TSPAN33: variants seen among roughly 807,000 people sequenced by gnomAD.
The protein encoded by TSPAN33 is tetraspanin 33.
A neutral mutation model predicts 34.8 loss-of-function variants in TSPAN33; 27 were observed. That is an observed-to-expected ratio of 0.78 (90% CI 0.57 to 1.07). The LOEUF (loss-of-function observed/expected upper bound fraction) is 1.07, where lower values mean the gene tolerates loss of function less well. Ranked by LOEUF, TSPAN33 falls within the 50% of genes least tolerant of loss-of-function variation. TSPAN33 has a pLI of 0.00. For missense variants in TSPAN33, 272 were observed against 324.9 expected (o/e 0.84, Z 1.25); for synonymous variants, 119 against 124.2 (o/e 0.96, Z 0.28).
rs1269901262 is a variant in TSPAN33 at position 129,165,148 on chromosome 7, C to G, written c.459+579C>G. ...ATCAAACACTAACTCCCCATTTCCT[C>G]TCTTGAATCTCTGTATCCATCAAAC... On this transcript the variant is annotated intron_variant, in intron 5 of 7. Transcript: ENST00000486685. The surrounding 1 kb of genome is among the most constrained non-coding windows in gnomAD (Gnocchi z 4.5). 6.6e-6 allele frequency among the ~76,000 whole-genome samples: 1 copy of G among 152,176 alleles called. No individual in the cohort carries two copies. The highest frequency in any genetic ancestry group is 1.5e-5 in the Non-Finnish European group (1 of 68,032).
chr7:129,162,624 C>A, intron 3 of TSPAN33, 103 bp downstream of exon 3: 3 of 1,548,634 alleles, frequency 1.9e-6, no homozygotes, highest in Non-Finnish European at 1.7e-6. Context: ...TACCCCCAAG[C>A]CTGTGCTGTC....
In TSPAN33 at chr7:129,160,283, C is replaced by T. The variant is rs1416977515; in HGVS notation, c.103-1396C>T. Among the ~76,000 whole-genome samples, 14 of 152,172 alleles carry T rather than the reference C, an allele frequency of 9.2e-5. 1 individual carries two copies. Among genetic ancestry groups the T allele is most frequent in the Admixed American group, 9.2e-4 (14 of 15,268 alleles). ...GCCCCATGGTGGCTCTTTCCAGCTG[C>T]TTTCCGTCTTGCAGGACAGTGGTGT... On this transcript the variant is annotated intron_variant, in intron 1 of 7. Coordinates refer to ENST00000486685, the MANE Select transcript of TSPAN33 (RefSeq NM_178562.5).
In TSPAN33 at chr7:129,167,229, C is replaced by T. The variant is rs1793155927; in HGVS notation, c.589-170C>T. On this transcript the variant is annotated intron_variant, in intron 6 of 7. Coordinates refer to ENST00000486685, the MANE Select transcript of TSPAN33 (RefSeq NM_178562.5). The surrounding 1 kb of genome is among the most constrained non-coding windows in gnomAD (Gnocchi z 4.6). ...CAGAGCAAAGAGACCTGGATCCTGACCTCTCAGAGGAAGGGAAGTCTGCAT... is the reference window on the plus strand; with the variant it reads ...CAGAGCAAAGAGACCTGGATCCTGATCTCTCAGAGGAAGGGAAGTCTGCAT... 6.6e-6 allele frequency among the ~76,000 whole-genome samples: 1 copy of T among 152,154 alleles called. No homozygotes were observed. Among genetic ancestry groups the T allele is most frequent in the African/African-American group, 2.4e-5 (1 of 41,434 alleles).
chr7:129,166,069 C>CTGGGAT (rs1346839975), intron 5 of TSPAN33, among the ~76,000 whole-genome samples: 1 of 152,080 alleles, frequency 6.6e-6, no homozygotes, highest in Non-Finnish European at 1.5e-5. Context: ...TCCTGAGTAG[C>CTGGGAT]TGGGATTACA....
chr7:129,150,547 C>CT (rs1459248731), intron 1 of TSPAN33, among the ~76,000 whole-genome samples: 1 of 152,176 alleles, frequency 6.6e-6, no homozygotes, highest in Non-Finnish European at 1.5e-5. Context: ...TGGGGACATC[C>CT]AGACCTAGGT....
chr7:129,163,103 T>C (rs1356970675), intron 4 of TSPAN33, among the ~76,000 whole-genome samples, 196 bp downstream of exon 4: 1 of 152,230 alleles, frequency 6.6e-6, no homozygotes, highest in East Asian at 1.9e-4. Flanking sequence ...CATAAGGTGC[T>C]TTCCTCTGAC....
rs186666491 is a variant in TSPAN33 at position 129,162,540 on chromosome 7, A to G, written c.288+19A>G. 1 of 1,610,032 alleles carries G rather than the reference A, an allele frequency of 6.2e-7. No homozygotes were observed. Among genetic ancestry groups the G allele is most frequent in the East Asian group, 2.2e-5 (1 of 44,860 alleles). On this transcript the variant is annotated intron_variant, in intron 3 of 7. Transcript: ENST00000486685. The stretch of plus-strand genomic sequence containing the variant: ...GCAGACGGTGAGTGGTCAAGGCCCC[A>G]CTGGAAAGACCCTGGCCCTCTCCCC...
At chr7:129,160,748 T>A (rs1793036117) in intron 1 of TSPAN33, among the ~76,000 whole-genome samples, 1 of 152,334 alleles carries the variant, frequency 6.6e-6, no homozygotes, top group Middle Eastern at 3.4e-3. Context: ...GATATTGACC[T>A]CTAAGAGGGT....
At chr7:129,152,307 C>CA (rs1298123043) in intron 1 of TSPAN33, among the ~76,000 whole-genome samples, 1 of 152,136 alleles carries the variant, frequency 6.6e-6, no homozygotes, top group East Asian at 1.9e-4. Flanking sequence ...CCACAGCAGC[C>CA]AAAAGGTGGG....
At chr7:129,164,642 A>G (rs913828987) in intron 5 of TSPAN33, 73 bp downstream of exon 5, 1 of 1,371,572 alleles carries the variant, frequency 7.3e-7, no homozygotes, top group East Asian at 2.3e-5. Flanking sequence ...CTCACCCTCT[A>G]TGCCTGTGGG....
chr7:129,162,292 C>T, intron 2 of TSPAN33, 102 bp from the exon 3 acceptor site: 1 of 1,535,226 alleles, frequency 6.5e-7, no homozygotes, highest in Non-Finnish European at 8.8e-7. Flanking sequence ...AATGGAGATT[C>T]CCCCACCAGG....
At position 129,168,789 on chromosome 7, in the gene TSPAN33, A is replaced by G. The variant is rs966808924; in HGVS notation, c.*915A>G. ...GGTAAGAGGTAGGAATCTTGCTGGG[A>G]CGAGGGGAGCCAGAAGTGGCAATAA... On this transcript the variant is annotated 3_prime_UTR_variant, in exon 8 of 8. Coordinates refer to ENST00000486685, the MANE Select transcript of TSPAN33 (RefSeq NM_178562.5). 2.6e-5 allele frequency: 4 copies of G among 152,668 alleles called. No homozygotes were observed. Among genetic ancestry groups the G allele is most frequent in the Admixed American group, 6.5e-5 (1 of 15,272 alleles). The allele number at this position is 152,668 out of a possible 1,614,324, so 9.5% of individuals were successfully genotyped here. A position where few individuals can be genotyped will look rare whatever the true frequency, so the allele number is the denominator to read the frequency against.
In TSPAN33 at chr7:129,165,028, CAT is replaced by C. The variant is rs1261518215; in HGVS notation, c.459+461_459+462del. 1.2e-5 allele frequency: 2 copies of C among 160,408 alleles called. No individual in the cohort carries two copies. Among genetic ancestry groups the C allele is most frequent in the Non-Finnish European group, 2.7e-5 (2 of 72,872 alleles). 9.9% of individuals were successfully genotyped at this position (160,408 alleles called of 1,614,324 possible). A position where few individuals can be genotyped will look rare whatever the true frequency, so the allele number is the denominator to read the frequency against. ...TAATGTAAAATTTACCATTTTTAAG[CAT>C]ACAGATCCGTGGCATGAAGTACCTT... On this transcript the variant is annotated intron_variant, in intron 5 of 7. Coordinates refer to ENST00000486685, the MANE Select transcript of TSPAN33 (RefSeq NM_178562.5). This position sits in a 1 kb window ranked among gnomAD's most constrained non-coding sequence, Gnocchi z 4.5.
chr7:129,161,620 C>T, intron 1 of TSPAN33, 59 bp from the exon 2 acceptor site: 2 of 1,551,042 alleles, frequency 1.3e-6, no homozygotes, highest in Non-Finnish European at 8.9e-7. Flanking sequence ...TTTCTCATGG[C>T]ATTCAGGGCT....
In TSPAN33 at chr7:129,161,097, G is replaced by A. The variant is rs146758993; in HGVS notation, c.103-582G>A. Among the ~76,000 whole-genome samples, 243 of 152,300 alleles carry A rather than the reference G, an allele frequency of 1.6e-3. 5 individuals are homozygous for A. Among genetic ancestry groups the A allele is most frequent in the Admixed American group, 0.011 (166 of 15,300 alleles). On this transcript the variant is annotated intron_variant, in intron 1 of 7. Coordinates refer to ENST00000486685, the MANE Select transcript of TSPAN33 (RefSeq NM_178562.5). The stretch of plus-strand genomic sequence containing the variant: ...ATTTTAACTTCAATTTATTAGAGAC[G>A]GGGCCTCACTCTGGCACCCAGGCTT...
chr7:129,159,298 A>G (rs776935274), intron 1 of TSPAN33, among the ~76,000 whole-genome samples: 7 of 152,152 alleles, frequency 4.6e-5, no homozygotes, highest in Non-Finnish European at 7.4e-5. Context: ...TGACCTCGTG[A>G]TCCACCCGCT....
Position 129,167,805 on chromosome 7 carries a change from GAATCAGA to G in TSPAN33, c.784_790del (p.Asn262SerfsTer136). The G allele has an allele frequency of 1.2e-6, 2 of 1,614,182 alleles. No homozygotes were observed. The highest frequency in any genetic ancestry group is 1.7e-6 in the Non-Finnish European group (2 of 1,180,036). On this transcript the variant is annotated frameshift_variant, in exon 8 of 8. Coordinates refer to ENST00000486685, the MANE Select transcript of TSPAN33 (RefSeq NM_178562.5). LOFTEE classifies it high-confidence loss of function. This position sits in a 1 kb window ranked among gnomAD's most constrained non-coding sequence, Gnocchi z 4.6. ...GAATTCTGCTGTCCCAGATCCTAGT[GAATCAGA>G]TCAAAGATCAGATCAAGCTACAGCT...
chr7:129,164,507 G>A lies in TSPAN33; in HGVS notation c.397G>A (p.Ala133Thr). Residue 133 changes from alanine (A) to threonine (T), a missense_variant, in exon 5 of 8, where the codon GCC (alanine) becomes ACC (threonine). By Grantham distance (58) the Ala-to-Thr change is moderately conservative (BLOSUM62 0). Transcript: ENST00000486685. ...GAAAGTGAGTGAGATCATCAACAAT[G>A]CCATTGTGCACTACCGAGATGACTT... Reference protein sequence around the residue: ...RGKVSEIINNAIVHYRDDLDL... With the variant: ...RGKVSEIINNTIVHYRDDLDL... The A allele has an allele frequency of 6.2e-7, 1 of 1,614,110 alleles. No individual in the cohort carries two copies. The highest frequency in any genetic ancestry group is 8.5e-7 in the Non-Finnish European group (1 of 1,180,014).
rs1313874765 is a variant in TSPAN33 at position 129,162,470 on chromosome 7, C to T, written c.237C>T (p.Thr79=). Residue 79 remains threonine, a synonymous_variant, in exon 3 of 8, where the codon ACC becomes ACT. Transcript: ENST00000486685. ...TGGGTGTCCTCATGTTCCTGCTCAC[C>T]TTCTGTGGCTGCATTGGGTCCCTCC... is the stretch of plus-strand genomic sequence containing the variant. ...IVVGVLMFLL[T]FCGCIGSLRE... 5 of 1,613,852 alleles carry T rather than the reference C, an allele frequency of 3.1e-6. No individual in the cohort carries two copies. The highest frequency in any genetic ancestry group is 4.2e-6 in the Non-Finnish European group (5 of 1,180,048).
Sources: gnomAD v4.1 joint callset for allele counts (sites outside exome capture counted in the v4.1 genomes callset) on GRCh38, gnomAD v4.1.1 for gene constraint, Gnocchi (gnomAD v3.1) non-coding constraint, MANE v1.5 for transcripts, NCBI Gene and HGNC (gene_info 2026-07-23, HGNC 2026-07-21) for gene names.